CACUL1: variants seen among roughly 807,000 people sequenced by gnomAD.
CACUL1 encodes the protein CDK2 associated cullin domain 1.
Under a neutral mutation model 45.2 loss-of-function variants are expected in CACUL1, and 13 were observed. The observed-to-expected ratio is 0.29, with a 90% CI of 0.19 to 0.46. CACUL1 has a LOEUF of 0.46. Ranked by LOEUF, CACUL1 falls within the 20% of genes least tolerant of loss-of-function variation. The pLI is 1.00. For missense variants in CACUL1, 421 were observed against 471.4 expected (o/e 0.89, Z 0.99); for synonymous variants, 197 against 174.2 (o/e 1.13, Z -1.03).
chr10:118,754,527 T>C lies in CACUL1; in HGVS notation c.236A>G (p.Gln79Arg). The C allele has an allele frequency of 6.2e-7, 1 of 1,612,868 alleles. No individual in the cohort carries two copies. The highest frequency in any genetic ancestry group is 8.5e-7 in the Non-Finnish European group (1 of 1,179,538). Residue 79 changes from glutamine to arginine, a missense_variant, in exon 1 of 9, where the codon CAG becomes CGG. Gln to Arg is a conservative substitution (Grantham distance 43, BLOSUM62 1). Transcript: ENST00000369151. Reference protein sequence around the residue: ...GPKEGLPMGPQPPPEANGVIM... With the variant: ...GPKEGLPMGPRPPPEANGVIM... Reference sequence around the variant, plus strand: ...CACCCCATTAGCCTCCGGCGGTGGCTGCGGCCCCATCGGGAGCCCCTCCTT... The same window carrying C: ...CACCCCATTAGCCTCCGGCGGTGGCCGCGGCCCCATCGGGAGCCCCTCCTT...
chr10:118,714,179 T>C (rs955786079), intron 3 of CACUL1, among the ~76,000 whole-genome samples: 2 of 152,236 alleles, frequency 1.3e-5, no homozygotes, highest in Admixed American at 6.5e-5. Context: ...TTGTGATGTG[T>C]TATTTTCTGA....
intron 3 of CACUL1, among the ~76,000 whole-genome samples, chr10:118,727,403 TAAAAAAA>T (rs11454535): frequency 6.9e-6 from 1 of 144,546 alleles, no homozygotes; most frequent in Non-Finnish European, 1.5e-5. Flanking sequence ...TCAAAAAAAT[TAAAAAAA>T]AAAAAAACAC....
At chr10:118,695,679 T>G (rs1418827664) in intron 5 of CACUL1, among the ~76,000 whole-genome samples, 1 of 152,200 alleles carries the variant, frequency 6.6e-6, no homozygotes, top group African/African-American at 2.4e-5. Flanking sequence ...TATAGCTACA[T>G]CTACTATTTT....
intron 6 of CACUL1, chr10:118,691,643 G>A (rs1845269033): frequency 2.9e-6 from 1 of 349,742 alleles, no homozygotes; most frequent in Non-Finnish European, 5.3e-6. Context: ...CGAGGCAGGT[G>A]GATCACGAGG....
chr10:118,713,606 G>A (rs1845513944), intron 3 of CACUL1, among the ~76,000 whole-genome samples: 1 of 152,208 alleles, frequency 6.6e-6, no homozygotes, highest in African/African-American at 2.4e-5. Context: ...AATGAGTAAT[G>A]TATTCATCTG....
intron 7 of CACUL1, among the ~76,000 whole-genome samples, chr10:118,688,345 T>A (rs139005728): frequency 1.3e-5 from 2 of 152,346 alleles, no homozygotes; most frequent in Non-Finnish European, 2.9e-5. Context: ...ACAGTTGCAT[T>A]CACCAAATAT....
At chr10:118,715,676 A>G (rs959891269) in intron 3 of CACUL1, among the ~76,000 whole-genome samples, 2 of 152,190 alleles carry the variant, frequency 1.3e-5, no homozygotes, top group Admixed American at 6.5e-5. Flanking sequence ...ACAATTTCAT[A>G]TTTATATCCC....
At chr10:118,712,413 G>A (rs1161918611) in intron 3 of CACUL1, among the ~76,000 whole-genome samples, 1 of 152,264 alleles carries the variant, frequency 6.6e-6, no homozygotes, top group Non-Finnish European at 1.5e-5. Flanking sequence ...AAGGGCCACA[G>A]CTCTTCTTTC....
rs1195193686 is a variant in CACUL1 at position 118,680,218 on chromosome 10, TA to T, written c.*5909del. 1 of 152,008 alleles carries T rather than the reference TA, an allele frequency of 6.6e-6. No individual in the cohort carries two copies. Among genetic ancestry groups the T allele is most frequent in the African/African-American group, 2.4e-5 (1 of 41,376 alleles). The allele number at this position is 152,008 out of a possible 1,614,324, so 9.4% of individuals were successfully genotyped here. ...TTGAGAAACAGGCCAATCGAAGAAA[TA>T]AAATTCACACATATACACACACACA... is the stretch of plus-strand genomic sequence containing the variant. On this transcript the variant is annotated 3_prime_UTR_variant, in exon 9 of 9. Coordinates refer to ENST00000369151, the MANE Select transcript of CACUL1 (RefSeq NM_153810.5).
chr10:118,746,542 T>C (rs1233820618), intron 1 of CACUL1, among the ~76,000 whole-genome samples: 1 of 151,992 alleles, frequency 6.6e-6, no homozygotes, highest in African/African-American at 2.4e-5. Flanking sequence ...GACTTTGGGG[T>C]AGGCAAATAT....
intron 1 of CACUL1, among the ~76,000 whole-genome samples, chr10:118,735,251 TA>T (rs1256955992): frequency 6.6e-6 from 1 of 152,264 alleles, no homozygotes; most frequent in Non-Finnish European, 1.5e-5. Context: ...CAAACCAGGT[TA>T]GCCCTACTAT....
rs139543999 is a variant in CACUL1, at chr10:118,733,837, C to T, written c.368-3427G>A. Among the ~76,000 whole-genome samples the T allele has an allele frequency of 5.4e-3, 683 of 126,676 alleles. 1 individual carries two copies. Among genetic ancestry groups the T allele is most frequent in the Admixed American group, 9.5e-3 (105 of 11,072 alleles). 83.1% of individuals were successfully genotyped at this position (126,676 alleles called of 152,430 possible). The stretch of plus-strand genomic sequence containing the variant: ...GACTACACTGGGAAACATGGTAAGA[C>T]CTTACCTCTACAAAAACTTAAAAAA... On this transcript the variant is annotated intron_variant, in intron 1 of 8. Transcript: ENST00000369151.
intron 7 of CACUL1, among the ~76,000 whole-genome samples, chr10:118,690,092 G>A (rs1461795606): frequency 2.6e-5 from 4 of 152,168 alleles, no homozygotes; most frequent in Non-Finnish European, 5.9e-5. Flanking sequence ...TTGAGGTCAG[G>A]AGATCGAGAC....
intron 3 of CACUL1, among the ~76,000 whole-genome samples, chr10:118,724,607 G>A (rs931378717): frequency 6.6e-6 from 1 of 152,292 alleles, no homozygotes; most frequent in Non-Finnish European, 1.5e-5. Context: ...GAACAAGAAA[G>A]TATGTCTATC....
At chr10:118,733,697 T>C (rs891634470) in intron 1 of CACUL1, among the ~76,000 whole-genome samples, 13 of 152,122 alleles carry the variant, frequency 8.5e-5, no homozygotes, top group Non-Finnish European at 5.9e-5. Flanking sequence ...ACTTTGCCCA[T>C]AGAAAAGCTT....
At chr10:118,747,993 G>C (rs1444589686) in intron 1 of CACUL1, among the ~76,000 whole-genome samples, 1 of 152,154 alleles carries the variant, frequency 6.6e-6, no homozygotes, top group Non-Finnish European at 1.5e-5. Flanking sequence ...GCTGATGTGG[G>C]AGAATCACTT....
intron 7 of CACUL1, among the ~76,000 whole-genome samples, chr10:118,689,455 A>G (rs144678293): frequency 1.6e-3 from 242 of 152,368 alleles, no homozygotes; most frequent in African/African-American, 5.6e-3. Context: ...ACATTTTATC[A>G]TCCCTTGGAA....
chr10:118,745,383 GAA>G (rs1321469421), intron 1 of CACUL1, among the ~76,000 whole-genome samples: 1 of 152,066 alleles, frequency 6.6e-6, no homozygotes, highest in Non-Finnish European at 1.5e-5. Context: ...CCAACACGGC[GAA>G]ACCTCACCTC....
At chr10:118,713,865 T>C (rs1276297225) in intron 3 of CACUL1, among the ~76,000 whole-genome samples, 1 of 152,242 alleles carries the variant, frequency 6.6e-6, no homozygotes, top group Non-Finnish European at 1.5e-5. Context: ...TTTTGGTCTC[T>C]GGAAACCTTT....
Sources: gnomAD v4.1 joint callset for allele counts (sites outside exome capture counted in the v4.1 genomes callset) on GRCh38, gnomAD v4.1.1 for gene constraint, MANE v1.5 for transcripts, NCBI Gene and HGNC (gene_info 2026-07-23, HGNC 2026-07-21) for gene names.